GHR: variants seen among roughly 807,000 people sequenced by gnomAD.
The protein encoded by GHR is GH receptor.
A neutral mutation model predicts 67.1 loss-of-function variants in GHR; 35 were observed. That is an observed-to-expected ratio of 0.52 (90% CI 0.40 to 0.69). The LOEUF (loss-of-function observed/expected upper bound fraction) is 0.69, where lower values mean the gene tolerates loss of function less well. Ranked by LOEUF, GHR falls within the 30% of genes least tolerant of loss-of-function variation. The pLI is 0.00. For synonymous variants in GHR, 272 were observed against 269.1 expected, an observed-to-expected ratio of 1.01 and a Z score of -0.10; for missense variants, 792 against 764.6, an observed-to-expected ratio of 1.04 and a Z score of -0.42.
rs1742740051 is a variant in GHR at position 42,424,198 on chromosome 5, G to GTGTGTGTGTGTGTGTGTT, written c.-12+260_-12+261insTTGTGTGTGTGTGTGTGT. 6.6e-6 allele frequency among the ~76,000 whole-genome samples: 1 copy of GTGTGTGTGTGTGTGTGTT among 150,870 alleles called. No homozygotes were observed. On this transcript the variant is annotated intron_variant, in intron 1 of 9. Transcript: ENST00000230882. This position sits in a 1 kb window ranked among gnomAD's most constrained non-coding sequence, Gnocchi z 4.1. Reference sequence around the variant, plus strand: ...TGTGTGTGTGTGTGTGTGTGTGTGTGTGTGTGTGTGTGTGTGTGTGTCTGG... The same window carrying GTGTGTGTGTGTGTGTGTT: ...TGTGTGTGTGTGTGTGTGTGTGTGTGTGTGTGTGTGTGTGTGTTTGTGTGTGTGTGTGTGTGTGTCTGG...
intron 1 of GHR, among the ~76,000 whole-genome samples, chr5:42,542,786 C>T (rs931958243): frequency 6.6e-6 from 1 of 152,010 alleles, no homozygotes; most frequent in Admixed American, 6.6e-5. Flanking sequence ...CCCTCAGCCA[C>T]CCCTACCCCC....
At chr5:42,610,303 G>A (rs1561165663) in intron 2 of GHR, among the ~76,000 whole-genome samples, 1 of 152,136 alleles carries the variant, frequency 6.6e-6, no homozygotes, top group African/African-American at 2.4e-5. Context: ...AAGTCCTTGA[G>A]ACTCTCTTTT....
intron 1 of GHR, among the ~76,000 whole-genome samples, chr5:42,559,263 G>A (rs915107790): frequency 1.3e-5 from 2 of 152,170 alleles, no homozygotes; most frequent in African/African-American, 4.8e-5. Flanking sequence ...AACCTAGGCT[G>A]GATGTGGTGG....
chr5:42,473,879 A>G (rs1745119699), intron 1 of GHR, among the ~76,000 whole-genome samples: 1 of 151,568 alleles, frequency 6.6e-6, no homozygotes, highest in Non-Finnish European at 1.5e-5. Flanking sequence ...GTCTCAAAAA[A>G]AAAAAAAAAA....
At chr5:42,648,660 A>G (rs1177256497) in intron 3 of GHR, among the ~76,000 whole-genome samples, 1 of 151,436 alleles carries the variant, frequency 6.6e-6, no homozygotes, top group Non-Finnish European at 1.5e-5. Flanking sequence ...CTAAATATAT[A>G]ATAACAATAA....
intron 2 of GHR, among the ~76,000 whole-genome samples, chr5:42,585,501 A>C (rs1751428046): frequency 6.6e-6 from 1 of 152,242 alleles, no homozygotes; most frequent in Admixed American, 6.5e-5. Context: ...CCACACCTGG[A>C]ATGTTCCAAA....
intron 3 of GHR, among the ~76,000 whole-genome samples, chr5:42,654,357 C>A (rs924057773): frequency 6.6e-6 from 1 of 152,130 alleles, no homozygotes. Flanking sequence ...CCCTGCCCCC[C>A]ATGTAGGCAA....
intron 1 of GHR, among the ~76,000 whole-genome samples, chr5:42,553,448 T>G (rs551301469): frequency 1.3e-5 from 2 of 152,270 alleles, no homozygotes; most frequent in African/African-American, 4.8e-5. Flanking sequence ...CAAGATTCTA[T>G]GTACCCCCTT....
At chr5:42,562,888 A>G (rs34535288) in intron 1 of GHR, among the ~76,000 whole-genome samples, 47,509 of 151,874 alleles carry the variant, frequency 0.31, 8,951 homozygotes, top group African/African-American at 0.52. Context: ...TGACCTCACG[A>G]TCTGCCTGCC....
At chr5:42,631,561 C>G (rs1311558958) in intron 3 of GHR, among the ~76,000 whole-genome samples, 1 of 152,182 alleles carries the variant, frequency 6.6e-6, no homozygotes, top group South Asian at 2.1e-4. Context: ...CTGCTGTGTA[C>G]TCAGTCTTTA....
At position 42,634,538 on chromosome 5, in the gene GHR, C is replaced by T. The variant is rs1754081543; in HGVS notation, c.136+5435C>T. 3.3e-5 allele frequency among the ~76,000 whole-genome samples: 5 copies of T among 152,116 alleles called. No individual in the cohort carries two copies. In the East Asian group the frequency reaches 7.7e-4, roughly 24 times the overall value. ...TGAATTTTGCACACACACACACACA[C>T]ACACACTGCAAAAAATAAACAGAAG... On this transcript the variant is annotated intron_variant, in intron 3 of 9. Coordinates refer to ENST00000230882, the MANE Select transcript of GHR (RefSeq NM_000163.5).
chr5:42,540,019 C>T (rs1270060126), intron 1 of GHR, among the ~76,000 whole-genome samples: 4 of 152,148 alleles, frequency 2.6e-5, no homozygotes, highest in Admixed American at 2.6e-4. Flanking sequence ...CAGTTTATCA[C>T]AAGTATTAGC....
At chr5:42,548,314 G>A (rs996932796) in intron 1 of GHR, 1 of 985,184 alleles carries the variant, frequency 1.0e-6, no homozygotes, top group Non-Finnish European at 1.2e-6. Context: ...CAAGAATTTA[G>A]AGATTAATAC....
chr5:42,579,151 TATAGA>T (rs1200813068), intron 2 of GHR, among the ~76,000 whole-genome samples: 3 of 88,248 alleles, frequency 3.4e-5, no homozygotes, highest in Admixed American at 2.2e-4. Context: ...GATAGATAGA[TATAGA>T]TAGATAGATA....
intron 1 of GHR, chr5:42,467,090 G>A: frequency 1.9e-6 from 3 of 1,588,484 alleles, no homozygotes; most frequent in Non-Finnish European, 2.6e-6. Flanking sequence ...TGAATAAGTA[G>A]GTATGAGCTA....
intron 3 of GHR, among the ~76,000 whole-genome samples, chr5:42,635,160 C>T (rs1002616748): frequency 6.6e-6 from 1 of 152,024 alleles, no homozygotes; most frequent in Non-Finnish European, 1.5e-5. Flanking sequence ...TCTTGCAATC[C>T]CTTTTAAGGA....
At chr5:42,477,157 T>A (rs1258466858) in intron 1 of GHR, among the ~76,000 whole-genome samples, 4 of 151,686 alleles carry the variant, frequency 2.6e-5, no homozygotes, top group Non-Finnish European at 5.9e-5. Flanking sequence ...CTTGCGATAC[T>A]TTGCTGAGAA....
At chr5:42,428,376 A>AT (rs1742944116) in intron 1 of GHR, among the ~76,000 whole-genome samples, 2 of 151,856 alleles carry the variant, frequency 1.3e-5, no homozygotes, top group African/African-American at 4.8e-5. Flanking sequence ...CCAGAAAACC[A>AT]TTTTTCCCTC....
chr5:42,482,489 A>G (rs925712995), intron 1 of GHR, among the ~76,000 whole-genome samples: 2 of 152,206 alleles, frequency 1.3e-5, no homozygotes, highest in Non-Finnish European at 1.5e-5. Flanking sequence ...GAGGGAGCCT[A>G]CAGAGGCAGG....
Sources: allele counts gnomAD v4.1 joint callset (sites outside exome capture counted in the v4.1 genomes callset), GRCh38; gene constraint gnomAD v4.1.1; non-coding constraint Gnocchi (gnomAD v3.1); transcripts MANE v1.5; gene names NCBI Gene and HGNC (gene_info 2026-07-23, HGNC 2026-07-21).